The following ZP4 variants were observed in gnomAD, a reference collection of about 807,000 sequenced individuals.
ZP4 encodes the protein zona pellucida sperm-binding protein 4.
ZP4 carries 62 observed loss-of-function variants against 62.3 expected under a neutral mutation model. That is an observed-to-expected ratio of 0.99 (90% confidence interval 0.81 to 1.23). ZP4 has a LOEUF of 1.23. Ranked by LOEUF, ZP4 falls within the 50% of genes most tolerant of loss-of-function variation. The probability of loss-of-function intolerance (pLI) is 0.00; values close to 1 mark genes in which losing one functional copy is unlikely to be tolerated. For synonymous variants in ZP4, 289 were observed against 247.3 expected (o/e 1.17, Z -1.58); for missense variants, 774 against 656.0 (o/e 1.18, Z -1.97).
intron 10 of ZP4, 33 bp downstream of exon 10, chr1:237,884,736 T>C: frequency 6.3e-7 from 1 of 1,597,852 alleles, no homozygotes; most frequent in South Asian, 1.1e-5. Flanking sequence ...CAAGATTCAT[T>C]CAAATCTGTC....
intron 10 of ZP4, 46 bp from the exon 11 acceptor site, chr1:237,882,892 T>C (rs142306055): frequency 3.9e-6 from 6 of 1,539,338 alleles, no homozygotes; most frequent in Non-Finnish European, 5.4e-6. Flanking sequence ...TTTGCACACA[T>C]AGGGCAGGGA....
At position 237,887,437 on chromosome 1, in the gene ZP4, C is replaced by T. The variant is rs752386305; in HGVS notation, c.678G>A (p.Val226=). 4.3e-6 allele frequency: 7 copies of T among 1,614,152 alleles called. No individual in the cohort carries two copies. The highest frequency in any genetic ancestry group is 5.9e-6 in the Non-Finnish European group (7 of 1,180,032). ...ACAGAACAAAAGCTTGTGTTGCCAT[C>T]ACAGGGTTACACGCACTGTCATTCC... The part of the protein sequence containing the change: ...ALRNDSACNP[V]MATQAFVLFQ... The change falls in exon 5 of 12, where the codon GTG becomes GTA. Residue 226 remains valine, a synonymous_variant. Transcript: ENST00000366570.
Position 237,885,752 on chromosome 1 carries a change from A to T in ZP4, c.970+4T>A. On this transcript the variant is annotated splice_donor_region_variant and intron_variant, in intron 7 of 11. Transcript: ENST00000366570. ...GCCAGATACTCCAGCCAAGGGGGTC[A>T]TACCTTTGGCAATCTGAAGTTCCAG... 1.2e-6 allele frequency: 2 copies of T among 1,614,038 alleles called. No individual in the cohort carries two copies. Among genetic ancestry groups the T allele is most frequent in the Non-Finnish European group, 1.7e-6 (2 of 1,179,974 alleles).
Position 237,886,719 on chromosome 1 carries a change from T to C in ZP4, c.839+52A>G, listed in dbSNP as rs1665109887. ...CTCATTTGTGGATTCAGGGCTTACC[T>C]GAGAATGCCCACCTTATGGCAGATG... On this transcript the variant is annotated intron_variant, in intron 6 of 11. Coordinates refer to ENST00000366570, the MANE Select transcript of ZP4 (RefSeq NM_021186.5). 9.3e-6 allele frequency: 14 copies of C among 1,505,178 alleles called. No homozygotes were observed. The Admixed American group carries it at 1.7e-4, about 18-fold the overall frequency. The allele number at this position is 1,505,178 out of a possible 1,614,324, so 93.2% of individuals were successfully genotyped here.
chr1:237,883,625 AGAGGGG>A (rs367980676), intron 10 of ZP4, among the ~76,000 whole-genome samples: 435 of 37,554 alleles, frequency 0.012, 63 homozygotes, highest in African/African-American at 0.078. Flanking sequence ...GAGGTGGGAG[AGAGGGG>A]GAGGGGGAGG....
intron 10 of ZP4, among the ~76,000 whole-genome samples, chr1:237,884,514 T>G (rs1665048293): frequency 6.6e-6 from 1 of 152,178 alleles, no homozygotes; most frequent in South Asian, 2.1e-4. Context: ...GGCCATAAAC[T>G]GCCTTGGTTG....
Position 237,885,304 on chromosome 1 carries a change from A to T in ZP4, c.1172T>A (p.Ile391Asn). 6.2e-7 allele frequency: 1 copy of T among 1,614,048 alleles called. No homozygotes were observed. Among genetic ancestry groups the T allele is most frequent in the Non-Finnish European group, 8.5e-7 (1 of 1,179,974 alleles). The change falls in exon 9 of 12, where the codon ATT (isoleucine) becomes AAT (asparagine). Residue 391 changes from isoleucine (I) to asparagine (N), a missense_variant. By Grantham distance (149) the Ile-to-Asn change is moderately radical (BLOSUM62 -3). Coordinates refer to ENST00000366570, the MANE Select transcript of ZP4 (RefSeq NM_021186.5). The stretch of plus-strand genomic sequence containing the variant: ...CAGCTGGGTCTGATAGTTGTCTCCA[A>T]TGTAGGGGCAGCTAGACCAAGAGAC... ...WPILVKGCPYIGDNYQTQLIP... is the reference protein window; with the variant it reads ...WPILVKGCPYNGDNYQTQLIP...
intron 10 of ZP4, 129 bp downstream of exon 10, chr1:237,884,640 C>T: frequency 1.3e-6 from 1 of 783,872 alleles, no homozygotes; most frequent in Non-Finnish European, 2.1e-6. Flanking sequence ...TTCTATGGCA[C>T]CGCAAGTACT....
chr1:237,883,670 AGGGCGGGGGAGGGCGGGGG>A (rs1664977622), intron 10 of ZP4, among the ~76,000 whole-genome samples: 2 of 3,752 alleles, frequency 5.3e-4, no homozygotes, highest in Non-Finnish European at 1.0e-3. Context: ...GGGCCGGGGG[AGGGCGGGGGAGGGCGGGGG>A]AGGGCGGGGG....
At chr1:237,885,070 G>A (rs1665062819) in intron 9 of ZP4, 95 bp downstream of exon 9, 4 of 1,521,964 alleles carry the variant, frequency 2.6e-6, no homozygotes, top group Non-Finnish European at 3.6e-6. Context: ...CAGCATTAAA[G>A]GGCTTCCTTG....
intron 10 of ZP4, among the ~76,000 whole-genome samples, chr1:237,884,053 A>ACAAACAC (rs1204007300): frequency 2.4e-5 from 3 of 124,340 alleles, no homozygotes; most frequent in African/African-American, 1.3e-4. Flanking sequence ...AACACACACA[A>ACAAACAC]ACACACACAA....
chr1:237,887,572 G>T lies in ZP4; in HGVS notation c.554-11C>A, dbSNP rs1291143848. Reference sequence around the variant, plus strand: ...TACAATGCAAGGTCACTGAAACAGAGCAGCTGTGCTGAAGGCAGGTCATCT... The same window carrying T: ...TACAATGCAAGGTCACTGAAACAGATCAGCTGTGCTGAAGGCAGGTCATCT... On this transcript the variant is annotated splice_polypyrimidine_tract_variant and intron_variant, in intron 4 of 11. Transcript: ENST00000366570. 18 of 1,611,462 alleles carry T rather than the reference G, an allele frequency of 1.1e-5. No individual in the cohort carries two copies. The Admixed American group carries it at 2.8e-4, about 25-fold the overall frequency.
Position 237,883,967 on chromosome 1 carries a change from AACACACACACACACAAAC to A in ZP4, c.1390+784_1390+801del, listed in dbSNP as rs1665010075. Among the ~76,000 whole-genome samples, 82 of 86,532 alleles carry A rather than the reference AACACACACACACACAAAC, an allele frequency of 9.5e-4. 3 individuals carry two copies. Among genetic ancestry groups the A allele is most frequent in the African/African-American group, 3.7e-3 (65 of 17,540 alleles). 56.8% of individuals were successfully genotyped at this position (86,532 alleles called of 152,430 possible). On this transcript the variant is annotated intron_variant, in intron 10 of 11. Transcript: ENST00000366570. ...AGAGCAAGAACTGGTCACACACACAAACACACACACACACAAACACACACACACACACACACACACACA... is the reference window on the plus strand; with the variant it reads ...AGAGCAAGAACTGGTCACACACACAAACACACACACACACACACACACACA...
In ZP4 at chr1:237,890,285, C is replaced by T. The variant is rs1050535022; in HGVS notation, c.176-109G>A. On this transcript the variant is annotated intron_variant, in intron 1 of 11. Transcript: ENST00000366570. Reference sequence around the variant, plus strand: ...AAGGAGCAACTGTCAATAAGAGGAACAAGAGGGAAATCAGATTCAGATCAG... The same window carrying T: ...AAGGAGCAACTGTCAATAAGAGGAATAAGAGGGAAATCAGATTCAGATCAG... 11 of 1,560,078 alleles carry T rather than the reference C, an allele frequency of 7.1e-6. No homozygotes were observed. The Admixed American group carries it at 1.7e-4, about 24-fold the overall frequency.
Position 237,890,162 on chromosome 1 carries a change from G to A in ZP4, c.190C>T (p.Leu64=). ...VLIAWDNQGL[L]HELQNDSDCG... is the part of the protein sequence containing the mutation. ...TCGGAGTCATTCTGCAGCTCGTGCA[G>A]CAGCCCTTGGTTGTCTGGAGGGGTG... Residue 64 remains leucine, a synonymous_variant, in exon 2 of 12, where the codon CTG becomes TTG. Transcript: ENST00000366570. The A allele has an allele frequency of 6.2e-7, 1 of 1,614,010 alleles. No individual in the cohort carries two copies. The highest frequency in any genetic ancestry group is 1.3e-5 in the African/African-American group (1 of 75,024).
chr1:237,889,311 T>TTG, intron 3 of ZP4, among the ~76,000 whole-genome samples: 1 of 141,552 alleles, frequency 7.1e-6, no homozygotes, highest in Non-Finnish European at 1.5e-5. Flanking sequence ...AAGAGATAGG[T>TTG]TGTATTTTTT....
chr1:237,890,282 G>A, intron 1 of ZP4, 106 bp from the exon 2 acceptor site: 1 of 1,557,642 alleles, frequency 6.4e-7, no homozygotes, highest in Non-Finnish European at 8.8e-7. Context: ...TCAATAAGAG[G>A]AACAAGAGGG....
In ZP4 at chr1:237,888,496, C is replaced by T; in HGVS notation, c.415G>A (p.Asp139Asn). The T allele has an allele frequency of 6.3e-7, 1 of 1,599,840 alleles. No homozygotes were observed. Among genetic ancestry groups the T allele is most frequent in the South Asian group, 1.1e-5 (1 of 89,474 alleles). Residue 139 changes from aspartate to asparagine, a missense_variant, in exon 4 of 12, where the codon GAT (aspartate) becomes AAT (asparagine). Physicochemically the swap from Asp to Asn is conservative, Grantham distance 23. Coordinates refer to ENST00000366570, the MANE Select transcript of ZP4 (RefSeq NM_021186.5). ...PMDLLARDAP[D>N]TDWCDSIPAR... ...GGGATGGAGTCACACCAGTCAGTAT[C>T]TGGAGCATCTCGGGCTAGGTTTTGA...
At chr1:237,886,446 A>G (rs1182519780) in intron 6 of ZP4, among the ~76,000 whole-genome samples, 1 of 151,916 alleles carries the variant, frequency 6.6e-6, no homozygotes, top group African/African-American at 2.4e-5. Context: ...GTTTTAAAGG[A>G]ATTCTTTTGG....
Sources: allele counts gnomAD v4.1 joint callset (sites outside exome capture counted in the v4.1 genomes callset), GRCh38; gene constraint gnomAD v4.1.1; transcripts MANE v1.5; gene names NCBI Gene and HGNC (gene_info 2026-07-23, HGNC 2026-07-21).